The following HNRNPR variants were observed in gnomAD, a reference collection of about 807,000 sequenced individuals.
HNRNPR encodes the protein heterogeneous nuclear ribonucleoprotein R.
Under a neutral mutation model 70.3 loss-of-function variants are expected in HNRNPR, and 4 were observed. The ratio of observed to expected loss-of-function variants is 0.06; its 90% CI spans 0.03 to 0.13. HNRNPR has a LOEUF of 0.13. Ranked by LOEUF, HNRNPR falls within the 10% of genes least tolerant of loss-of-function variation. The pLI is 1.00. For synonymous variants in HNRNPR, 241 were observed against 267.6 expected (o/e 0.90, Z 0.97); for missense variants, 423 against 788.5 (o/e 0.54, Z 5.55).
At chr1:23,326,199 T>G (rs1486354322) in intron 5 of HNRNPR, among the ~76,000 whole-genome samples, 1 of 115,138 alleles carries the variant, frequency 8.7e-6, no homozygotes, top group South Asian at 3.5e-4. Context: ...CATCCGTACG[T>G]TTTTTTTTTT....
chr1:23,338,015 A>T, intron 3 of HNRNPR, 154 bp from the exon 4 acceptor site: 3 of 608,804 alleles, frequency 4.9e-6, no homozygotes, highest in Admixed American at 2.9e-5. Context: ...TATGTGCCAG[A>T]GATTGGAGCA....
intron 2 of HNRNPR, among the ~76,000 whole-genome samples, chr1:23,338,954 A>C (rs184922803): frequency 1.3e-5 from 2 of 152,352 alleles, no homozygotes; most frequent in East Asian, 3.9e-4. Context: ...TTAATACAAC[A>C]AATTTTGGTT....
In HNRNPR at chr1:23,324,627, T is replaced by A. The variant is rs1184936761; in HGVS notation, c.499-895A>T. Among the ~76,000 whole-genome samples, 3 of 152,214 alleles carry A rather than the reference T, an allele frequency of 2.0e-5. No individual in the cohort carries two copies. In the East Asian group the frequency reaches 5.8e-4, roughly 29 times the overall value. On this transcript the variant is annotated intron_variant, in intron 5 of 10. Transcript: ENST00000302271. The stretch of plus-strand genomic sequence containing the variant: ...AATATTTTTCAGAAACTCCAGTGCT[T>A]CAATCTATTCCTCTCTCTATCCAGA...
In HNRNPR at chr1:23,313,706, G is replaced by A. The variant is rs1381939039; in HGVS notation, c.1018-4C>T. The A allele has an allele frequency of 6.3e-7, 1 of 1,597,664 alleles. No individual in the cohort carries two copies. Among genetic ancestry groups the A allele is most frequent in the Admixed American group, 1.8e-5 (1 of 54,448 alleles). ...TTCTCACAAACAAAACTTTTACCTAGTAAGCAACAAATAAACAAAACCGTC... is the reference window on the plus strand; with the variant it reads ...TTCTCACAAACAAAACTTTTACCTAATAAGCAACAAATAAACAAAACCGTC... On this transcript the variant is annotated splice_region_variant and splice_polypyrimidine_tract_variant and intron_variant, in intron 8 of 10. Transcript: ENST00000302271.
intron 9 of HNRNPR, 59 bp from the exon 10 acceptor site, chr1:23,311,381 AGTAT>A: frequency 1.8e-6 from 2 of 1,127,052 alleles, no homozygotes; most frequent in Admixed American, 2.2e-5. Context: ...TGTTTTATAT[AGTAT>A]GTAAGCTATT....
At chr1:23,316,255 T>C (rs1431172482) in intron 8 of HNRNPR, among the ~76,000 whole-genome samples, 1 of 152,142 alleles carries the variant, frequency 6.6e-6, no homozygotes, top group Non-Finnish European at 1.5e-5. Flanking sequence ...CAGTGTGCTA[T>C]GACTGCACAT....
At chr1:23,317,808 T>C (rs1035602536) in intron 8 of HNRNPR, among the ~76,000 whole-genome samples, 1 of 151,602 alleles carries the variant, frequency 6.6e-6, no homozygotes, top group Non-Finnish European at 1.5e-5. Flanking sequence ...GGTGAAATGC[T>C]GTCTCTACTA....
At position 23,308,683 on chromosome 1, in the gene HNRNPR, G is replaced by A. The variant is rs570175735; in HGVS notation, c.*1771C>T. 6.6e-6 allele frequency: 1 copy of A among 152,010 alleles called. No homozygotes were observed. The highest frequency in any genetic ancestry group is 1.5e-5 in the Non-Finnish European group (1 of 67,894). The allele number at this position is 152,010 out of a possible 1,614,324, so 9.4% of individuals were successfully genotyped here. ...CTGTTAAATGACTATACTGTGTAAT[G>A]AGTGTACTTTGAAAAAGAAATGAAA... On this transcript the variant is annotated 3_prime_UTR_variant, in exon 11 of 11. Coordinates refer to ENST00000302271, the MANE Select transcript of HNRNPR (RefSeq NM_005826.5).
intron 1 of HNRNPR, among the ~76,000 whole-genome samples, chr1:23,342,244 G>C (rs1033406531): frequency 6.6e-6 from 1 of 152,136 alleles, no homozygotes; most frequent in African/African-American, 2.4e-5. Context: ...GCAGTTTTCT[G>C]GCTTAAAACA....
chr1:23,340,256 A>C (rs1229876251), intron 2 of HNRNPR, among the ~76,000 whole-genome samples: 1 of 151,974 alleles, frequency 6.6e-6, no homozygotes, highest in Non-Finnish European at 1.5e-5. Flanking sequence ...CTTACAACCA[A>C]CTATATTAAG....
intron 10 of HNRNPR, 67 bp from the exon 11 acceptor site, chr1:23,311,133 T>C: frequency 6.2e-7 from 1 of 1,608,818 alleles, no homozygotes; most frequent in Non-Finnish European, 8.5e-7. Context: ...GATTTTGTTT[T>C]ATTAATCTGA....
chr1:23,336,132 A>AAAAAAAAG (rs1557927545), intron 4 of HNRNPR, among the ~76,000 whole-genome samples: 1 of 144,446 alleles, frequency 6.9e-6, no homozygotes, highest in African/African-American at 2.6e-5. Context: ...AAAAAAAAAA[A>AAAAAAAAG]GTCTATCACA....
intron 7 of HNRNPR, 60 bp downstream of exon 7, chr1:23,321,468 C>A: frequency 7.2e-7 from 1 of 1,395,516 alleles, no homozygotes; most frequent in South Asian, 1.3e-5. Flanking sequence ...TTTTTTTGAG[C>A]ACTTGTAAGT....
intron 5 of HNRNPR, among the ~76,000 whole-genome samples, chr1:23,326,198 G>GTT (rs200562309): frequency 4.1e-5 from 6 of 147,872 alleles, no homozygotes; most frequent in South Asian, 2.1e-4. Flanking sequence ...CCATCCGTAC[G>GTT]TTTTTTTTTT....
At chr1:23,313,184 C>T (rs1256329766) in intron 9 of HNRNPR, among the ~76,000 whole-genome samples, 4 of 152,140 alleles carry the variant, frequency 2.6e-5, no homozygotes, top group South Asian at 2.1e-4. Context: ...ATGTACACCA[C>T]TCAGTTTCCT....
At chr1:23,334,338 G>A (rs1027333074) in intron 4 of HNRNPR, among the ~76,000 whole-genome samples, 10 of 148,020 alleles carry the variant, frequency 6.8e-5, no homozygotes, top group South Asian at 2.1e-4. Flanking sequence ...CCAGGTTCAC[G>A]CCCTTTTCCT....
chr1:23,329,284 TA>T (rs1358624076), intron 5 of HNRNPR, among the ~76,000 whole-genome samples: 1 of 152,234 alleles, frequency 6.6e-6, no homozygotes, highest in Non-Finnish European at 1.5e-5. Context: ...ACTTAGGACC[TA>T]AAAAGAATTT....
intron 4 of HNRNPR, among the ~76,000 whole-genome samples, chr1:23,334,121 C>T (rs562131902): frequency 1.9e-4 from 29 of 152,098 alleles, no homozygotes; most frequent in South Asian, 2.1e-4. Flanking sequence ...ACCATGTTGG[C>T]CAGGCTGGTC....
intron 9 of HNRNPR, 75 bp from the exon 10 acceptor site, chr1:23,311,397 T>C (rs1318653418): frequency 9.4e-6 from 9 of 961,692 alleles, no homozygotes; most frequent in Admixed American, 5.3e-5. Context: ...TAAGCTATTA[T>C]ACTTGTGTAA....
Sources: gnomAD v4.1 joint callset for allele counts (sites outside exome capture counted in the v4.1 genomes callset) on GRCh38, gnomAD v4.1.1 for gene constraint, MANE v1.5 for transcripts, NCBI Gene and HGNC (gene_info 2026-07-23, HGNC 2026-07-21) for gene names.